Variants in PKP2 observed in about 807,000 individuals in gnomAD.
PKP2 encodes the protein plakophilin 2.
Under a neutral mutation model 83.4 loss-of-function variants are expected in PKP2, and 73 were observed. The ratio of observed to expected loss-of-function variants is 0.88; its 90% CI spans 0.72 to 1.06. The LOEUF (loss-of-function observed/expected upper bound fraction) is 1.06, where lower values mean the gene tolerates loss of function less well. Among genes scored for constraint, PKP2 ranks in the 50% least tolerant of loss-of-function variants. PKP2 has a pLI of 0.00. For missense variants in PKP2, 966 were observed against 1,065.4 expected, an observed-to-expected ratio of 0.91 and a Z score of 1.30; for synonymous variants, 409 against 430.4, an observed-to-expected ratio of 0.95 and a Z score of 0.62.
chr12:32,850,018 G>A (rs983507406), intron 5 of PKP2, among the ~76,000 whole-genome samples: 2 of 152,174 alleles, frequency 1.3e-5, no homozygotes, highest in Non-Finnish European at 2.9e-5. Flanking sequence ...AACTGGGTGT[G>A]GTTCTTGTCA....
intron 2 of PKP2, 90 bp from the exon 3 acceptor site, chr12:32,878,633 T>C (rs568782311): frequency 9.9e-5 from 103 of 1,039,104 alleles, no homozygotes; most frequent in Non-Finnish European, 1.4e-4. Context: ...TTACCCAACA[T>C]GTCCGTTTCT....
At chr12:32,804,124 T>TGCTGTGTTTTGATGGAAAGGTAACTGTCC (rs1565575244) in intron 9 of PKP2, among the ~76,000 whole-genome samples, 1 of 152,216 alleles carries the variant, frequency 6.6e-6, no homozygotes, top group African/African-American at 2.4e-5. Flanking sequence ...GTCTCTACCA[T>TGCTGTGTTTTGATGGAAAGGTAACTGTCC]GCTGTGTTTT....
At position 32,878,982 on chromosome 12, in the gene PKP2, A is replaced by T. The variant is rs773851296; in HGVS notation, c.274T>A (p.Leu92Met). The stretch of plus-strand genomic sequence containing the variant: ...CCTCCAACAAAATCATTTTCAACCA[A>T]GTGTAGGTTGTAGACATACTCAGGA... ...SVPEYVYNLHLVENDFVGGRS... is the reference protein window; with the variant it reads ...SVPEYVYNLHMVENDFVGGRS... Residue 92 changes from leucine (L) to methionine (M), a missense_variant, in exon 2 of 13, where the codon TTG (leucine) becomes ATG (methionine). Physicochemically the swap from Leu to Met is conservative, Grantham distance 15. Coordinates refer to ENST00000340811, the MANE Select transcript of PKP2 (RefSeq NM_001005242.3). The T allele has an allele frequency of 6.2e-7, 1 of 1,609,320 alleles. No individual in the cohort carries two copies. The highest frequency in any genetic ancestry group is 8.5e-7 in the Non-Finnish European group (1 of 1,177,486).
chr12:32,848,788 T>C (rs1956670801), intron 5 of PKP2, among the ~76,000 whole-genome samples: 1 of 151,958 alleles, frequency 6.6e-6, no homozygotes, highest in African/African-American at 2.4e-5. Context: ...TAACCCCAAA[T>C]CTAAAATGAA....
intron 3 of PKP2, among the ~76,000 whole-genome samples, chr12:32,870,658 G>T (rs1038686021): frequency 1.3e-5 from 2 of 152,104 alleles, no homozygotes; most frequent in Non-Finnish European, 2.9e-5. Flanking sequence ...CCTTTACAGA[G>T]AAGTCAAAAC....
intron 5 of PKP2, among the ~76,000 whole-genome samples, chr12:32,847,696 C>G (rs1346038433): frequency 1.3e-5 from 2 of 152,194 alleles, no homozygotes; most frequent in Non-Finnish European, 2.9e-5. Context: ...CCAGGAATAA[C>G]TTTCATCCTC....
At chr12:32,864,293 G>A (rs1254027933) in intron 4 of PKP2, among the ~76,000 whole-genome samples, 6 of 144,418 alleles carry the variant, frequency 4.2e-5, no homozygotes, top group South Asian at 4.4e-4. Context: ...AGAGGTTCTA[G>A]CAAGTACTAT....
Position 32,822,478 on chromosome 12 carries a change from T to C in PKP2, c.1828A>G (p.Lys610Glu), listed in dbSNP as rs1319690519. The C allele has an allele frequency of 1.2e-6, 2 of 1,613,882 alleles. No individual in the cohort carries two copies. Among genetic ancestry groups the C allele is most frequent in the Non-Finnish European group, 1.7e-6 (2 of 1,180,002 alleles). ...ACTTCCCAATATACCTCTTTTACTT[T>C]CCTGCTTCGACTGCCAAAACATCCA... is the stretch of plus-strand genomic sequence containing the variant. ...SIGCFGSRSR[K>E]VKEQYQDVPM... Residue 610 changes from lysine to glutamate, a missense_variant, in exon 8 of 13, where the codon AAA (lysine) becomes GAA (glutamate). Coordinates refer to ENST00000340811, the MANE Select transcript of PKP2 (RefSeq NM_001005242.3).
rs534564010 is a variant in PKP2, at chr12:32,809,632, T to G, written c.2014-7076A>C. 4.0e-4 allele frequency among the ~76,000 whole-genome samples: 61 copies of G among 152,302 alleles called. 1 individual carries two copies. In the South Asian group the frequency reaches 8.3e-3, roughly 21 times the overall value. ...TGCTGGAAATTCCGGGGCCGGAGTATGTAAAACTCTTGTCTCTGTGTGTAC... is the reference window on the plus strand; with the variant it reads ...TGCTGGAAATTCCGGGGCCGGAGTAGGTAAAACTCTTGTCTCTGTGTGTAC... On this transcript the variant is annotated intron_variant, in intron 9 of 12. Coordinates refer to ENST00000340811, the MANE Select transcript of PKP2 (RefSeq NM_001005242.3).
chr12:32,794,031 A>C (rs1483099424), intron 11 of PKP2, among the ~76,000 whole-genome samples: 1 of 152,162 alleles, frequency 6.6e-6, no homozygotes, highest in Non-Finnish European at 1.5e-5. Flanking sequence ...TTTTCCCCCC[A>C]TATCACAGGC....
At chr12:32,841,390 C>A (rs1956590920) in intron 5 of PKP2, among the ~76,000 whole-genome samples, 185 bp from the exon 6 acceptor site, 1 of 152,154 alleles carries the variant, frequency 6.6e-6, no homozygotes, top group Non-Finnish European at 1.5e-5. Context: ...GTGATGGAGG[C>A]TGACCCACAT....
rs571853581 is a variant in PKP2 at position 32,810,581 on chromosome 12, GT to G, written c.2014-8026del. ...AGCTAGCATGCTATTTAAGAAAAGT[GT>G]TTTTTTAATCTACTCTTTATTGATC... On this transcript the variant is annotated intron_variant, in intron 9 of 12. Coordinates refer to ENST00000340811, the MANE Select transcript of PKP2 (RefSeq NM_001005242.3). Among the ~76,000 whole-genome samples, 11 of 151,856 alleles carry G rather than the reference GT, an allele frequency of 7.2e-5. No homozygotes were observed. In the East Asian group the frequency reaches 1.9e-3, roughly 27 times the overall value.
chr12:32,882,768 C>G (rs577063847), intron 1 of PKP2, among the ~76,000 whole-genome samples: 1 of 152,282 alleles, frequency 6.6e-6, no homozygotes, highest in South Asian at 2.1e-4. Flanking sequence ...ACTATCATCT[C>G]TGTTTATAAA....
intron 3 of PKP2, among the ~76,000 whole-genome samples, chr12:32,872,297 C>T (rs1956901795): frequency 6.6e-6 from 1 of 152,116 alleles, no homozygotes; most frequent in Admixed American, 6.5e-5. Flanking sequence ...CTTTGGGAGG[C>T]TGAGGTGGGT....
At chr12:32,832,007 C>T (rs1009538305) in intron 6 of PKP2, among the ~76,000 whole-genome samples, 7 of 152,280 alleles carry the variant, frequency 4.6e-5, no homozygotes, top group African/African-American at 1.7e-4. Flanking sequence ...AACCCTGAAG[C>T]TTAGTTCATA....
At chr12:32,793,352 ATAATC>A (rs1956090101) in intron 11 of PKP2, among the ~76,000 whole-genome samples, 1 of 152,172 alleles carries the variant, frequency 6.6e-6, no homozygotes, top group African/African-American at 2.4e-5. Context: ...TTTATAGAAT[ATAATC>A]TATATTTGTA....
At chr12:32,895,453 C>T (rs1002439989) in intron 1 of PKP2, among the ~76,000 whole-genome samples, 1 of 152,162 alleles carries the variant, frequency 6.6e-6, no homozygotes, top group African/African-American at 2.4e-5. Flanking sequence ...AGCCTACATT[C>T]GCCAATGCCC....
At position 32,791,647 on chromosome 12, in the gene PKP2, C is replaced by T. The variant is rs1006675603; in HGVS notation, c.*777G>A. On this transcript the variant is annotated 3_prime_UTR_variant, in exon 13 of 13. Transcript: ENST00000340811. ...GTAAAGTATCTCCTGAGAAAAATCT[C>T]ATTGACTCAGTGTTTGGGGGAACGT... 6 of 152,216 alleles carry T rather than the reference C, an allele frequency of 3.9e-5. No homozygotes were observed. The highest frequency in any genetic ancestry group is 7.3e-5 in the Non-Finnish European group (5 of 68,060). The allele number at this position is 152,216 out of a possible 1,614,324, so 9.4% of individuals were successfully genotyped here.
chr12:32,859,259 TGATG>T (rs1288091394), intron 4 of PKP2, among the ~76,000 whole-genome samples: 2 of 152,170 alleles, frequency 1.3e-5, no homozygotes, highest in Non-Finnish European at 1.5e-5. Flanking sequence ...CTGTAATTAG[TGATG>T]GATAGAATTA....
Sources: gnomAD v4.1 joint callset for allele counts (sites outside exome capture counted in the v4.1 genomes callset) on GRCh38, gnomAD v4.1.1 for gene constraint, MANE v1.5 for transcripts, NCBI Gene and HGNC (gene_info 2026-07-23, HGNC 2026-07-21) for gene names.